The following PDCD4 variants were observed in gnomAD, a reference collection of about 807,000 sequenced individuals.
PDCD4 encodes programmed cell death 4.
PDCD4 carries 56 observed loss-of-function variants against 54.0 expected under a neutral mutation model. That is an observed-to-expected ratio of 1.04 (90% CI 0.84 to 1.30). PDCD4 has a LOEUF of 1.30. Ranked by LOEUF, PDCD4 falls within the 50% of genes most tolerant of loss-of-function variation. The pLI, the probability that PDCD4 is intolerant of heterozygous loss-of-function variation, is 0.00. For synonymous variants in PDCD4, 186 were observed against 194.8 expected (o/e 0.95, Z 0.37); for missense variants, 584 against 559.8 (o/e 1.04, Z -0.44).
rs892568940 is a variant in PDCD4 at position 110,885,253 on chromosome 10, G to A, written c.442G>A (p.Glu148Lys). The A allele has an allele frequency of 6.9e-7, 1 of 1,455,574 alleles. No homozygotes were observed. Among genetic ancestry groups the A allele is most frequent in the South Asian group, 1.2e-5 (1 of 85,032 alleles). The allele number at this position is 1,455,574 out of a possible 1,614,324, so 90.2% of individuals were successfully genotyped here. A position where few individuals can be genotyped will look rare whatever the true frequency, so the allele number is the denominator to read the frequency against. Reference protein sequence around the residue: ...VKDPNYDDDQENCVYETVVLP... With the variant: ...VKDPNYDDDQKNCVYETVVLP... ...CTCTTACTCCCTTTTCCCCTCAAAG[G>A]AGAACTGTGTTTATGAAACTGTAGT... Residue 148 changes from glutamate (E) to lysine (K), a missense_variant and splice_region_variant, in exon 5 of 12, where the codon GAG (glutamate) becomes AAG (lysine). Glu to Lys is a moderately conservative substitution (Grantham distance 56). Coordinates refer to ENST00000280154, the MANE Select transcript of PDCD4 (RefSeq NM_014456.5).
At chr10:110,897,876 C>T (rs888286098) in intron 11 of PDCD4, 152 bp from the exon 12 acceptor site, 14 of 447,952 alleles carry the variant, frequency 3.1e-5, no homozygotes, top group South Asian at 6.1e-5. Flanking sequence ...GAGTCTTTTC[C>T]AAAGGAATTA....
At chr10:110,875,642 G>T (rs1845491753) in intron 1 of PDCD4, among the ~76,000 whole-genome samples, 1 of 152,146 alleles carries the variant, frequency 6.6e-6, no homozygotes, top group South Asian at 2.1e-4. Flanking sequence ...ATTCCTAAAA[G>T]ATTTGGATGT....
intron 2 of PDCD4, 81 bp downstream of exon 2, chr10:110,876,151 G>C (rs1269224347): frequency 2.7e-6 from 3 of 1,121,674 alleles, no homozygotes; most frequent in Non-Finnish European, 3.9e-6. Context: ...GAGTGCAGTG[G>C]TGTGATCATG....
intron 8 of PDCD4, among the ~76,000 whole-genome samples, chr10:110,893,155 A>G (rs1845780783): frequency 6.6e-6 from 1 of 151,960 alleles, no homozygotes; most frequent in South Asian, 2.1e-4. Flanking sequence ...TCCCTGTTAA[A>G]CGATGCATGA....
Position 110,896,003 on chromosome 10 carries a change from C to G in PDCD4, c.1265C>G (p.Ser422Ter). The change falls in exon 11 of 12, where the codon TCA (serine) becomes TGA (stop). Residue 422 changes from serine (S) to a stop codon, truncating the protein, a stop_gained. Coordinates refer to ENST00000280154, the MANE Select transcript of PDCD4 (RefSeq NM_014456.5). LOFTEE classifies it high-confidence loss of function. ...IPDINLDVPH[S>*]YSVLERFVEE... Reference sequence around the variant, plus strand: ...GACATTAATCTGGATGTCCCACATTCATACTCTGTGCTGGAGCGGTTTGTA... The same window carrying G: ...GACATTAATCTGGATGTCCCACATTGATACTCTGTGCTGGAGCGGTTTGTA... 1 of 1,607,980 alleles carries G rather than the reference C, an allele frequency of 6.2e-7. No homozygotes were observed. The highest frequency in any genetic ancestry group is 1.1e-5 in the South Asian group (1 of 90,764).
In PDCD4 at chr10:110,883,066, A is replaced by C; in HGVS notation, c.410A>C (p.Asp137Ala). 6.3e-7 allele frequency: 1 copy of C among 1,596,110 alleles called. No individual in the cohort carries two copies. The highest frequency in any genetic ancestry group is 8.5e-7 in the Non-Finnish European group (1 of 1,172,860). The change falls in exon 4 of 12, where the codon GAT (aspartate) becomes GCT (alanine). Residue 137 changes from aspartate (D) to alanine (A), a missense_variant. Coordinates refer to ENST00000280154, the MANE Select transcript of PDCD4 (RefSeq NM_014456.5). ...PGQVYDVEEV[D>A]VKDPNYDDDQ... ...CAGGTGTATGATGTGGAGGAGGTGG[A>C]TGTGAAAGATCCTAACTATGATGAT...
At chr10:110,872,648 C>A (rs1160119365) in intron 1 of PDCD4, among the ~76,000 whole-genome samples, 1 of 152,208 alleles carries the variant, frequency 6.6e-6, no homozygotes, top group African/African-American at 2.4e-5. Context: ...CTATCCTCGC[C>A]GGGGGCGCTG....
intron 8 of PDCD4, 166 bp downstream of exon 8, chr10:110,890,836 T>C: frequency 2.5e-6 from 1 of 405,606 alleles, no homozygotes; most frequent in Non-Finnish European, 4.4e-6. Context: ...AACCTTTTAT[T>C]ATAAATTATA....
At chr10:110,888,770 A>G (rs1447184545) in intron 6 of PDCD4, among the ~76,000 whole-genome samples, 2 of 152,208 alleles carry the variant, frequency 1.3e-5, no homozygotes, top group African/African-American at 4.8e-5. Flanking sequence ...TTTTATGTGT[A>G]TACCATTTAA....
chr10:110,878,737 T>C (rs1341810331), intron 2 of PDCD4, among the ~76,000 whole-genome samples: 1 of 152,212 alleles, frequency 6.6e-6, no homozygotes, highest in Non-Finnish European at 1.5e-5. Flanking sequence ...TAACTTCTTG[T>C]GAAACACATT....
At chr10:110,879,253 A>T (rs748372535) in intron 2 of PDCD4, among the ~76,000 whole-genome samples, 13 of 152,122 alleles carry the variant, frequency 8.5e-5, no homozygotes, top group South Asian at 2.1e-4. Context: ...AATCCCTCCC[A>T]TCTCTTCCCT....
At position 110,881,528 on chromosome 10, in the gene PDCD4, A is replaced by G. The variant is rs1319250161; in HGVS notation, c.339A>G (p.Pro113=). 1.2e-6 allele frequency: 2 copies of G among 1,610,210 alleles called. No homozygotes were observed. The highest frequency in any genetic ancestry group is 1.1e-5 in the South Asian group (1 of 90,900). ...GATCTGGGAAAGGAAGGGGACTACCAAAGAAAGGTTGGTATATATCATGTC... is the reference window on the plus strand; with the variant it reads ...GATCTGGGAAAGGAAGGGGACTACCGAAGAAAGGTTGGTATATATCATGTC... ...RSRSGKGRGL[P]KKGGAGGKGV... The change falls in exon 3 of 12, where the codon CCA becomes CCG. Residue 113 remains proline (P), a synonymous_variant. Coordinates refer to ENST00000280154, the MANE Select transcript of PDCD4 (RefSeq NM_014456.5).
Position 110,873,323 on chromosome 10 carries a change from A to C in PDCD4, c.-63+1305A>C, listed in dbSNP as rs190676658. ...TGCTTTTAGCTGGTTTTAAGCTGCTAATTAGCCGTTCGTAGCCGAAGAATG... is the reference window on the plus strand; with the variant it reads ...TGCTTTTAGCTGGTTTTAAGCTGCTCATTAGCCGTTCGTAGCCGAAGAATG... On this transcript the variant is annotated intron_variant, in intron 1 of 11. Transcript: ENST00000280154. Among the ~76,000 whole-genome samples the C allele has an allele frequency of 5.3e-5, 8 of 152,362 alleles. No homozygotes were observed. In the East Asian group the frequency reaches 1.5e-3, roughly 29 times the overall value.
At chr10:110,875,449 G>GTGGCAGATATATCTGCC (rs1377012040) in intron 1 of PDCD4, among the ~76,000 whole-genome samples, 36 of 152,176 alleles carry the variant, frequency 2.4e-4, no homozygotes, top group Non-Finnish European at 8.8e-5. Flanking sequence ...TAGGTAATGA[G>GTGGCAGATATATCTGCC]TGGCAGATAT....
chr10:110,889,523 C>A lies in PDCD4; in HGVS notation c.778-10C>A. On this transcript the variant is annotated splice_polypyrimidine_tract_variant and intron_variant, in intron 6 of 11. Coordinates refer to ENST00000280154, the MANE Select transcript of PDCD4 (RefSeq NM_014456.5). ...TTTTTTTATAGCTCTTTTTTTTTTC[C>A]TTTTTACAGTTGGTGGGCCAGTTTA... 3 of 1,472,516 alleles carry A rather than the reference C, an allele frequency of 2.0e-6. No homozygotes were observed. The highest frequency in any genetic ancestry group is 1.8e-6 in the Non-Finnish European group (2 of 1,082,654). The allele number at this position is 1,472,516 out of a possible 1,614,324, so 91.2% of individuals were successfully genotyped here. A position where few individuals can be genotyped will look rare whatever the true frequency, so the allele number is the denominator to read the frequency against.
rs1365073061 is a variant in PDCD4, at chr10:110,872,501, C to T, written c.-63+483C>T. Reference sequence around the variant, plus strand: ...ATCCTCTGAAGATGCGGCCCCCTGTCCTTCGTGAACCCGGAGCCCCGGCCT... The same window carrying T: ...ATCCTCTGAAGATGCGGCCCCCTGTTCTTCGTGAACCCGGAGCCCCGGCCT... On this transcript the variant is annotated intron_variant, in intron 1 of 11. Coordinates refer to ENST00000280154, the MANE Select transcript of PDCD4 (RefSeq NM_014456.5). 5.9e-5 allele frequency among the ~76,000 whole-genome samples: 9 copies of T among 152,346 alleles called. No homozygotes were observed. In the East Asian group the frequency reaches 1.2e-3, roughly 20 times the overall value.
At chr10:110,897,536 T>C (rs1440998884) in intron 11 of PDCD4, among the ~76,000 whole-genome samples, 1 of 152,224 alleles carries the variant, frequency 6.6e-6, no homozygotes, top group Non-Finnish European at 1.5e-5. Flanking sequence ...AAATGGGGCA[T>C]AGGCTGTAAT....
At chr10:110,881,636 C>G (rs751523320) in intron 3 of PDCD4, 101 bp downstream of exon 3, 70 of 946,622 alleles carry the variant, frequency 7.4e-5, no homozygotes, top group Non-Finnish European at 1.1e-4. Context: ...GAGAGAGATT[C>G]AAAAAGTGAA....
intron 4 of PDCD4, among the ~76,000 whole-genome samples, chr10:110,883,571 G>A (rs1257106742): frequency 6.6e-6 from 1 of 151,988 alleles, no homozygotes; most frequent in South Asian, 2.1e-4. Flanking sequence ...AAGTAGAATA[G>A]TATAATCTGC....
Sources: allele counts gnomAD v4.1 joint callset (sites outside exome capture counted in the v4.1 genomes callset), GRCh38; gene constraint gnomAD v4.1.1; transcripts MANE v1.5; gene names NCBI Gene and HGNC (gene_info 2026-07-23, HGNC 2026-07-21).